SLC30A2: variants seen among roughly 807,000 people sequenced by gnomAD.
SLC30A2 encodes solute carrier family 30 member 2, also known as proton-coupled zinc antiporter SLC30A2.
A neutral mutation model predicts 39.6 loss-of-function variants in SLC30A2; 19 were observed. The observed-to-expected ratio is 0.48, with a 90% confidence interval of 0.34 to 0.70. The LOEUF (loss-of-function observed/expected upper bound fraction) is 0.70, where lower values mean the gene tolerates loss of function less well. SLC30A2 is among the 30% of genes least tolerant of loss of function. The pLI, the probability that SLC30A2 is intolerant of heterozygous loss-of-function variation, is 0.01. For missense variants in SLC30A2, 387 were observed against 479.4 expected (o/e 0.81, Z 1.80); for synonymous variants, 195 against 194.8 (o/e 1.00, Z -0.01).
rs759229949 is a variant in SLC30A2 at position 26,045,839 on chromosome 1, C to T, written c.50+8G>A. 1.4e-5 allele frequency: 23 copies of T among 1,613,504 alleles called. No individual in the cohort carries two copies. In the African/African-American group the frequency reaches 2.3e-4, roughly 16 times the overall value. On this transcript the variant is annotated splice_region_variant and intron_variant, in intron 1 of 7. Coordinates refer to ENST00000374276, the MANE Select transcript of SLC30A2 (RefSeq NM_001004434.3). Reference sequence around the variant, plus strand: ...AAATTCCCGCCCGTCCCCAGGCTCTCGCCTTACCGGATTGCCGGCCTGGCG... The same window carrying T: ...AAATTCCCGCCCGTCCCCAGGCTCTTGCCTTACCGGATTGCCGGCCTGGCG...
rs772899336 is a variant in SLC30A2, at chr1:26,043,477, G to T, written c.493C>A (p.Arg165=). ...TGVLVYLAVE[R]LISGDYEIDG... Reference sequence around the variant, plus strand: ...ATTTCATAGTCCCCAGAGATCAGCCGCTCCACAGCCAGGTACACCAGTACC... The same window carrying T: ...ATTTCATAGTCCCCAGAGATCAGCCTCTCCACAGCCAGGTACACCAGTACC... Residue 165 remains arginine (R), a synonymous_variant, in exon 4 of 8, where the codon CGG becomes AGG. Transcript: ENST00000374276. The T allele has an allele frequency of 7.4e-6, 12 of 1,613,974 alleles. No individual in the cohort carries two copies. Among genetic ancestry groups the T allele is most frequent in the East Asian group, 2.2e-5 (1 of 44,868 alleles).
chr1:26,045,519 C>A, intron 1 of SLC30A2: 1 of 590,462 alleles, frequency 1.7e-6, no homozygotes. Context: ...GAACAGCAGG[C>A]CCCCTCCAGC....
chr1:26,041,880 C>G (rs1179521975), intron 5 of SLC30A2, 75 bp from the exon 6 acceptor site: 7 of 901,382 alleles, frequency 7.8e-6, no homozygotes, highest in South Asian at 1.4e-5. Context: ...TCCCACCCAG[C>G]ACTGCTGGGG....
rs2050460057 is a variant in SLC30A2 at position 26,045,984 on chromosome 1, C to G, written c.-88G>C. The stretch of plus-strand genomic sequence containing the variant: ...CGCGCGGGACTCCGGGTGGCGCTCA[C>G]CCACCTGCCCCGAGGGCCCCGCGAG... On this transcript the variant is annotated 5_prime_UTR_variant, in exon 1 of 8. Coordinates refer to ENST00000374276, the MANE Select transcript of SLC30A2 (RefSeq NM_001004434.3). The G allele has an allele frequency of 6.4e-7, 1 of 1,555,454 alleles. No individual in the cohort carries two copies. Among genetic ancestry groups the G allele is most frequent in the Non-Finnish European group, 8.6e-7 (1 of 1,159,650 alleles).
At chr1:26,040,519 G>A (rs1374322488) in intron 6 of SLC30A2, among the ~76,000 whole-genome samples, 1 of 152,098 alleles carries the variant, frequency 6.6e-6, no homozygotes, top group Non-Finnish European at 1.5e-5. Flanking sequence ...ACAGTGCTGG[G>A]ATTACAGGTG....
chr1:26,044,270 C>T, intron 3 of SLC30A2, 28 bp downstream of exon 3: 1 of 1,612,600 alleles, frequency 6.2e-7, no homozygotes, highest in Non-Finnish European at 8.5e-7. Context: ...TCTCTCAACC[C>T]CATCTCCAGC....
intron 6 of SLC30A2, among the ~76,000 whole-genome samples, chr1:26,040,400 C>T (rs1351286233): frequency 6.6e-6 from 1 of 152,066 alleles, no homozygotes; most frequent in Non-Finnish European, 1.5e-5. Context: ...AGGCGCATGC[C>T]ACCACGCCCG....
rs145431016 is a variant in SLC30A2 at position 26,038,151 on chromosome 1, G to T, written c.*1009C>A. 2 of 152,238 alleles carry T rather than the reference G, an allele frequency of 1.3e-5. No individual in the cohort carries two copies. The highest frequency in any genetic ancestry group is 4.8e-5 in the African/African-American group (2 of 41,456). 9.4% of individuals were successfully genotyped at this position (152,238 alleles called of 1,614,324 possible). ...GCTTACAATGGCAGAGACAGACCTT[G>T]TGACACAGGACTCCCTGATAACTGG... is the stretch of plus-strand genomic sequence containing the variant. On this transcript the variant is annotated 3_prime_UTR_variant, in exon 8 of 8. Transcript: ENST00000374276.
intron 4 of SLC30A2, 143 bp from the exon 5 acceptor site, chr1:26,042,851 G>T: frequency 1.4e-6 from 1 of 706,666 alleles, no homozygotes. Flanking sequence ...CAACCCACGT[G>T]GCCTTGGTTC....
At chr1:26,043,598 G>A (rs2050425470) in intron 3 of SLC30A2, 47 bp from the exon 4 acceptor site, 1 of 1,582,152 alleles carries the variant, frequency 6.3e-7, no homozygotes. Flanking sequence ...TGGGCCTGGA[G>A]CTAAGGAGTC....
In SLC30A2 at chr1:26,042,767, T is replaced by C; in HGVS notation, c.573-59A>G. 3 of 1,517,378 alleles carry C rather than the reference T, an allele frequency of 2.0e-6. No individual in the cohort carries two copies. The South Asian group carries it at 3.4e-5, about 17-fold the overall frequency. 94.0% of individuals were successfully genotyped at this position (1,517,378 alleles called of 1,614,324 possible). A position where few individuals can be genotyped will look rare whatever the true frequency, so the allele number is the denominator to read the frequency against. ...GAGGTCGCAGATGGAGGTCACCTAT[T>C]AGGACTAGCCAACTTGTAGGGCAAA... On this transcript the variant is annotated intron_variant, in intron 4 of 7. Coordinates refer to ENST00000374276, the MANE Select transcript of SLC30A2 (RefSeq NM_001004434.3).
intron 6 of SLC30A2, 131 bp downstream of exon 6, chr1:26,041,569 G>A (rs2050397657): frequency 1.6e-6 from 1 of 629,760 alleles, no homozygotes; most frequent in African/African-American, 1.9e-5. Flanking sequence ...AGGTTTTCCA[G>A]CCTATGCCGG....
chr1:26,041,882 C>G (rs999175196), intron 5 of SLC30A2, 77 bp from the exon 6 acceptor site: 8 of 874,284 alleles, frequency 9.2e-6, no homozygotes, highest in African/African-American at 1.7e-5. Context: ...CCACCCAGCA[C>G]TGCTGGGGAG....
At position 26,043,519 on chromosome 1, in the gene SLC30A2, T is replaced by A. The variant is rs1210926990; in HGVS notation, c.451A>T (p.Ile151Phe). The part of the protein sequence containing the change: ...ILGALVSVLS[I>F]WVVTGVLVYL... ...ACCAGTACCCCCGTCACGACCCAGATGGACAGTACAGAGACCAGGGCTCCC... is the reference window on the plus strand; with the variant it reads ...ACCAGTACCCCCGTCACGACCCAGAAGGACAGTACAGAGACCAGGGCTCCC... The change falls in exon 4 of 8, where the codon ATC becomes TTC. Residue 151 changes from isoleucine to phenylalanine, a missense_variant. Transcript: ENST00000374276. The A allele has an allele frequency of 6.2e-7, 1 of 1,614,020 alleles. No homozygotes were observed. Among genetic ancestry groups the A allele is most frequent in the African/African-American group, 1.3e-5 (1 of 75,004 alleles).
In SLC30A2 at chr1:26,039,852, C is replaced by T; in HGVS notation, c.898G>A (p.Val300Ile). 1 of 1,614,034 alleles carries T rather than the reference C, an allele frequency of 6.2e-7. No individual in the cohort carries two copies. Among genetic ancestry groups the T allele is most frequent in the African/African-American group, 1.3e-5 (1 of 75,050 alleles). Residue 300 changes from valine (V) to isoleucine (I), a missense_variant, in exon 7 of 8, where the codon GTA becomes ATA. Physicochemically the swap from Val to Ile is conservative, Grantham distance 29. Coordinates refer to ENST00000374276, the MANE Select transcript of SLC30A2 (RefSeq NM_001004434.3). This position sits in a 1 kb window ranked among gnomAD's most constrained non-coding sequence, Gnocchi z 4.3. ...VRDLLLSVEGVEALHSLHIWA... is the reference protein window; with the variant it reads ...VRDLLLSVEGIEALHSLHIWA... ...ATATGCAGGCTGTGCAGGGCTTCTA[C>T]CCCCTCCACCGACAGCAGCAGATCA...
chr1:26,041,400 C>A (rs75358291), intron 6 of SLC30A2, among the ~76,000 whole-genome samples: 8,954 of 152,182 alleles, frequency 0.059, 890 homozygotes, highest in African/African-American at 0.2. Flanking sequence ...GGCTGGAGAG[C>A]TCCAGATGCT....
intron 5 of SLC30A2, 67 bp from the exon 6 acceptor site, chr1:26,041,872 C>T: frequency 4.3e-6 from 4 of 938,278 alleles, no homozygotes; most frequent in Admixed American, 1.9e-5. Flanking sequence ...TTCTCCCCTC[C>T]CACCCAGCAC....
In SLC30A2 at chr1:26,044,319, T is replaced by A. The variant is rs1438330083; in HGVS notation, c.397A>T (p.Asn133Tyr). 6.2e-7 allele frequency: 1 copy of A among 1,614,026 alleles called. No individual in the cohort carries two copies. Among genetic ancestry groups the A allele is most frequent in the Non-Finnish European group, 8.5e-7 (1 of 1,180,004 alleles). Residue 133 changes from asparagine to tyrosine, a missense_variant, in exon 3 of 8, where the codon AAC (asparagine) becomes TAC (tyrosine). By Grantham distance (143) the Asn-to-Tyr change is moderately radical. Coordinates refer to ENST00000374276, the MANE Select transcript of SLC30A2 (RefSeq NM_001004434.3). Reference sequence around the variant, plus strand: ...TCACCAGCTCTCTGCCAGCCAAAGTTCATGGTCTTGGTGGCTGGCCGGGAG... The same window carrying A: ...TCACCAGCTCTCTGCCAGCCAAAGTACATGGTCTTGGTGGCTGGCCGGGAG... ...MSSRPATKTM[N>Y]FGWQRAEILG... is the part of the protein sequence containing the mutation.
rs749589011 is a variant in SLC30A2 at position 26,039,130 on chromosome 1, T to C, written c.*30A>G. The C allele has an allele frequency of 3.1e-5, 50 of 1,608,186 alleles. No homozygotes were observed. The highest frequency in any genetic ancestry group is 4.0e-5 in the Non-Finnish European group (47 of 1,175,336). ...CAGTCCAGCCACCTGCAGGTCCTGT[T>C]CATGCCCCAGTTGGTGCCTGGCTGA... On this transcript the variant is annotated 3_prime_UTR_variant, in exon 8 of 8. Transcript: ENST00000374276. The surrounding 1 kb of genome is among the most constrained non-coding windows in gnomAD (Gnocchi z 4.3).
Sources: allele counts gnomAD v4.1 joint callset (sites outside exome capture counted in the v4.1 genomes callset), GRCh38; gene constraint gnomAD v4.1.1; non-coding constraint Gnocchi (gnomAD v3.1); transcripts MANE v1.5; gene names NCBI Gene and HGNC (gene_info 2026-07-23, HGNC 2026-07-21).